SUSD3: variants seen among roughly 807,000 people sequenced by gnomAD.
SUSD3 encodes the protein sushi domain containing 3, also known as sushi domain-containing protein 3.
Under a neutral mutation model 20.6 loss-of-function variants are expected in SUSD3, and 18 were observed. That is an observed-to-expected ratio of 0.87 (90% CI 0.60 to 1.30). The LOEUF is 1.30. Ranked by LOEUF, SUSD3 falls within the 50% of genes most tolerant of loss-of-function variation. The pLI is 0.00. For synonymous variants in SUSD3, 137 were observed against 141.5 expected (o/e 0.97, Z 0.23); for missense variants, 306 against 346.9 (o/e 0.88, Z 0.94).
chr9:93,082,901 C>T (rs1044360333), intron 4 of SUSD3, among the ~76,000 whole-genome samples: 6 of 152,210 alleles, frequency 3.9e-5, no homozygotes, highest in African/African-American at 1.4e-4. Flanking sequence ...AGCATGATGC[C>T]GAGGGGCTCC....
intron 2 of SUSD3, among the ~76,000 whole-genome samples, chr9:93,077,335 G>A (rs1449270958): frequency 2.0e-5 from 3 of 152,018 alleles, no homozygotes; most frequent in Non-Finnish European, 4.4e-5. Context: ...CCTCAGTACT[G>A]TCTATTGTCA....
rs1309713435 is a variant in SUSD3 at position 93,084,668 on chromosome 9, C to T, written c.689C>T (p.Ala230Val). Residue 230 changes from alanine to valine, a missense_variant, in exon 5 of 5, where the codon GCA (alanine) becomes GTA (valine). Coordinates refer to ENST00000375472, the MANE Select transcript of SUSD3 (RefSeq NM_145006.4). ...SPQAQVMVHM[A>V]NPRQPLPASG... Reference sequence around the variant, plus strand: ...CAAGCCCAGGTGATGGTGCACATGGCAAACCCCAGACAGCCCCTGCCTGCC... The same window carrying T: ...CAAGCCCAGGTGATGGTGCACATGGTAAACCCCAGACAGCCCCTGCCTGCC... The T allele has an allele frequency of 1.2e-6, 2 of 1,607,278 alleles. No homozygotes were observed. The highest frequency in any genetic ancestry group is 3.4e-5 in the Admixed American group (2 of 58,890).
Position 93,079,484 on chromosome 9 carries a change from T to A in SUSD3, c.439T>A (p.Trp147Arg). ...ACTCTCCTCCAGGTCAGCCCAGCTG[T>A]GGTCCCAGCTGAAAGATGAGGACTT... ...RRRSNRSAQL[W>R]SQLKDEDLET... Residue 147 changes from tryptophan to arginine, a missense_variant, in exon 4 of 5, where the codon TGG becomes AGG. Trp to Arg is a moderately radical substitution (Grantham distance 101, BLOSUM62 -3). Transcript: ENST00000375472. 6.2e-7 allele frequency: 1 copy of A among 1,614,038 alleles called. No homozygotes were observed. The highest frequency in any genetic ancestry group is 1.1e-5 in the South Asian group (1 of 91,070).
intron 1 of SUSD3, among the ~76,000 whole-genome samples, chr9:93,059,224 G>A (rs990795805): frequency 6.6e-6 from 1 of 152,158 alleles, no homozygotes; most frequent in Non-Finnish European, 1.5e-5. Flanking sequence ...CGGGAGGGGG[G>A]AGCCGGGAGC....
At chr9:93,066,606 G>A (rs1359217413) in intron 1 of SUSD3, among the ~76,000 whole-genome samples, 1 of 152,108 alleles carries the variant, frequency 6.6e-6, no homozygotes, top group East Asian at 1.9e-4. Context: ...AGCTTTACTG[G>A]GCCATAATTC....
rs1825924332 is a variant in SUSD3, at chr9:93,071,853, G to A, written c.89-3931G>A. On this transcript the variant is annotated intron_variant, in intron 1 of 4. Coordinates refer to ENST00000375472, the MANE Select transcript of SUSD3 (RefSeq NM_145006.4). The stretch of plus-strand genomic sequence containing the variant: ...GGGATACTAGAGGCAACCGCAGCCA[G>A]GGGTGGGAACTAGAGTTGCAGCTGC... 3.9e-5 allele frequency among the ~76,000 whole-genome samples: 6 copies of A among 152,292 alleles called. No homozygotes were observed. The South Asian group carries it at 1.2e-3, about 32-fold the overall frequency.
chr9:93,084,977 G>A lies in SUSD3; in HGVS notation c.*230G>A. On this transcript the variant is annotated 3_prime_UTR_variant, in exon 5 of 5. Transcript: ENST00000375472. ...TATCCTGGCCGTAACGATTTTTATAGTTATGGACTACTTGAAACCACTACT... is the reference window on the plus strand; with the variant it reads ...TATCCTGGCCGTAACGATTTTTATAATTATGGACTACTTGAAACCACTACT... 2.4e-6 allele frequency: 1 copy of A among 412,158 alleles called. No individual in the cohort carries two copies. The highest frequency in any genetic ancestry group is 4.3e-6 in the Non-Finnish European group (1 of 234,492). 25.5% of individuals were successfully genotyped at this position (412,158 alleles called of 1,614,324 possible).
intron 1 of SUSD3, among the ~76,000 whole-genome samples, chr9:93,062,744 G>T (rs555565928): frequency 1.3e-5 from 2 of 152,190 alleles, no homozygotes; most frequent in African/African-American, 2.4e-5. Context: ...GGGAGTCTCT[G>T]TGTGAGCAGG....
intron 1 of SUSD3, 123 bp downstream of exon 1, chr9:93,058,953 C>A: frequency 1.9e-6 from 1 of 533,806 alleles, no homozygotes; most frequent in Non-Finnish European, 2.9e-6. Flanking sequence ...ACGATCTGCC[C>A]CGAGGACGAA....
chr9:93,066,733 C>T (rs34105406), intron 1 of SUSD3, among the ~76,000 whole-genome samples: 10,488 of 151,174 alleles, frequency 0.069, 438 homozygotes, highest in South Asian at 0.11. Flanking sequence ...TTTTTTGAGA[C>T]GGAGTCACTC....
chr9:93,082,305 CTTTCCTT>C (rs1374179066), intron 4 of SUSD3, among the ~76,000 whole-genome samples: 48 of 137,634 alleles, frequency 3.5e-4, no homozygotes, highest in African/African-American at 1.2e-3. Context: ...TTTTAGGCCT[CTTTCCTT>C]TTTTTTTTTT....
At chr9:93,084,098 C>G (rs1433516858) in intron 4 of SUSD3, among the ~76,000 whole-genome samples, 3 of 152,000 alleles carry the variant, frequency 2.0e-5, no homozygotes, top group Non-Finnish European at 4.4e-5. Context: ...TGATCCAGCT[C>G]CTGGCTACCA....
chr9:93,062,907 G>C (rs890046700), intron 1 of SUSD3, among the ~76,000 whole-genome samples: 6 of 152,140 alleles, frequency 3.9e-5, no homozygotes, highest in Admixed American at 1.3e-4. Context: ...CCCCATCCTG[G>C]CTGTGAGTTC....
At chr9:93,072,365 A>C (rs769819862) in intron 1 of SUSD3, among the ~76,000 whole-genome samples, 12 of 152,200 alleles carry the variant, frequency 7.9e-5, no homozygotes, top group Non-Finnish European at 1.8e-4. Context: ...CAGGGGGACC[A>C]CTGGGTGCTG....
At chr9:93,063,376 G>C (rs1416765399) in intron 1 of SUSD3, among the ~76,000 whole-genome samples, 1 of 152,178 alleles carries the variant, frequency 6.6e-6, no homozygotes, top group African/African-American at 2.4e-5. Context: ...AGGCGGGCAA[G>C]TCACCAGTTT....
chr9:93,073,491 G>A (rs201032370), intron 1 of SUSD3, among the ~76,000 whole-genome samples: 20,764 of 151,944 alleles, frequency 0.14, 2,180 homozygotes, highest in African/African-American at 0.29. Context: ...CTCGTGATCC[G>A]CCCGCCTCGG....
chr9:93,081,059 C>T (rs1029035730), intron 4 of SUSD3, among the ~76,000 whole-genome samples: 1 of 152,222 alleles, frequency 6.6e-6, no homozygotes, highest in Non-Finnish European at 1.5e-5. Context: ...CCCCTTCCCC[C>T]ACATTATTTT....
chr9:93,072,561 G>A (rs1032313326), intron 1 of SUSD3, among the ~76,000 whole-genome samples: 2 of 152,232 alleles, frequency 1.3e-5, no homozygotes, highest in African/African-American at 4.8e-5. Context: ...GCTGGGGCAA[G>A]GGGTGGTGTG....
intron 4 of SUSD3, among the ~76,000 whole-genome samples, chr9:93,083,759 T>G (rs1027445993): frequency 1.3e-5 from 2 of 152,214 alleles, no homozygotes; most frequent in African/African-American, 4.8e-5. Flanking sequence ...GATCATTTCT[T>G]AATTCCTACT....
Sources: allele counts gnomAD v4.1 joint callset (sites outside exome capture counted in the v4.1 genomes callset), GRCh38; gene constraint gnomAD v4.1.1; transcripts MANE v1.5; gene names NCBI Gene and HGNC (gene_info 2026-07-23, HGNC 2026-07-21).